The following DNMT3A variants were observed in gnomAD, a reference collection of about 807,000 sequenced individuals.
DNMT3A encodes DNA methyltransferase 3 alpha, also known as DNA (cytosine-5)-methyltransferase 3A.
DNMT3A carries 267 observed loss-of-function variants against 117.6 expected under a neutral mutation model. That is an observed-to-expected ratio of 2.27 (90% CI 2.05 to 2.51). The LOEUF (loss-of-function observed/expected upper bound fraction) is 2.51. Among genes scored for constraint, DNMT3A ranks in the 30% most tolerant of loss-of-function variants. DNMT3A has a pLI of 0.00. For synonymous variants in DNMT3A, 432 were observed against 474.8 expected (o/e 0.91, Z 1.17); for missense variants, 1,029 against 1,260.2 (o/e 0.82, Z 2.78).
intron 16 of DNMT3A, among the ~76,000 whole-genome samples, chr2:25,243,073 G>A (rs757906954): frequency 2.0e-5 from 3 of 152,158 alleles, no homozygotes; most frequent in Non-Finnish European, 4.4e-5. Flanking sequence ...TTGGGAGGCC[G>A]AGGTGGGCGG....
intron 15 of DNMT3A, 71 bp downstream of exon 15, chr2:25,244,084 G>A (rs958344391): frequency 2.3e-5 from 37 of 1,604,228 alleles, no homozygotes; most frequent in Admixed American, 6.7e-5. Context: ...CACACCCTGC[G>A]CACAGCTCAG....
intron 1 of DNMT3A, among the ~76,000 whole-genome samples, chr2:25,333,391 G>A (rs13384339): frequency 1.9e-3 from 295 of 151,698 alleles, no homozygotes; most frequent in African/African-American, 6.9e-3. Context: ...GTGCAGTGGC[G>A]CGATCTCGGC....
chr2:25,239,036 C>G, intron 20 of DNMT3A, 94 bp downstream of exon 20: 1 of 1,078,260 alleles, frequency 9.3e-7, no homozygotes, highest in Non-Finnish European at 1.4e-6. Context: ...CAGAGGCCGG[C>G]CAGAGAGGGC....
intron 2 of DNMT3A, among the ~76,000 whole-genome samples, chr2:25,307,453 C>T (rs1436228855): frequency 6.7e-6 from 1 of 149,452 alleles, no homozygotes; most frequent in African/African-American, 2.5e-5. Flanking sequence ...CCACCACACA[C>T]CGCAGCTTTT....
rs1437160490 is a variant in DNMT3A at position 25,281,495 on chromosome 2, T to G, written c.448+946A>C. 5 of 1,055,282 alleles carry G rather than the reference T, an allele frequency of 4.7e-6. No individual in the cohort carries two copies. The South Asian group carries it at 1.8e-4, about 39-fold the overall frequency. The allele number at this position is 1,055,282 out of a possible 1,614,324, so 65.4% of individuals were successfully genotyped here. On this transcript the variant is annotated intron_variant, in intron 4 of 22. Coordinates refer to ENST00000321117, the MANE Select transcript of DNMT3A (RefSeq NM_022552.5). The surrounding 1 kb of genome is among the most constrained non-coding windows in gnomAD (Gnocchi z 4.8). Reference sequence around the variant, plus strand: ...TTCTGGAAATGTTCTCTATCCTGCATGAACATTAGGTTGGATCCATGCAAA... The same window carrying G: ...TTCTGGAAATGTTCTCTATCCTGCAGGAACATTAGGTTGGATCCATGCAAA...
intron 6 of DNMT3A, among the ~76,000 whole-genome samples, chr2:25,271,061 T>C (rs2030851616): frequency 6.6e-6 from 1 of 151,708 alleles, no homozygotes; most frequent in South Asian, 2.1e-4. Flanking sequence ...ACAGGCCTGA[T>C]AGGCCGGGTG....
At chr2:25,329,718 CACAGAT>C (rs2034943039) in intron 1 of DNMT3A, among the ~76,000 whole-genome samples, 1 of 151,058 alleles carries the variant, frequency 6.6e-6, no homozygotes, top group Admixed American at 6.6e-5. Flanking sequence ...CACACAGACA[CACAGAT>C]ACAAACACAC....
Position 25,234,084 on chromosome 2 carries a change from G to T in DNMT3A, c.*195C>A. ...GAAGAATAACATTGAAAAATCAGGAGATGATGTCCAACCCTTTTCGCAAGG... is the reference window on the plus strand; with the variant it reads ...GAAGAATAACATTGAAAAATCAGGATATGATGTCCAACCCTTTTCGCAAGG... On this transcript the variant is annotated 3_prime_UTR_variant, in exon 23 of 23. Transcript: ENST00000321117. The surrounding 1 kb of genome is among the most constrained non-coding windows in gnomAD (Gnocchi z 4.5). The T allele has an allele frequency of 1.4e-6, 1 of 733,588 alleles. No individual in the cohort carries two copies. The highest frequency in any genetic ancestry group is 2.0e-6 in the Non-Finnish European group (1 of 500,276). 45.4% of individuals were successfully genotyped at this position (733,588 alleles called of 1,614,324 possible).
rs1433074952 is a variant in DNMT3A at position 25,306,310 on chromosome 2, G to A, written c.73-6067C>T. ...GCGCATGGGCCCAGAGCCCTCCAAA[G>A]CCCCCTACTTTTTCTGATCTCAGTC... On this transcript the variant is annotated intron_variant, in intron 2 of 22. Transcript: ENST00000321117. The surrounding 1 kb of genome is among the most constrained non-coding windows in gnomAD (Gnocchi z 4.1). Among the ~76,000 whole-genome samples, 2 of 152,194 alleles carry A rather than the reference G, an allele frequency of 1.3e-5. No individual in the cohort carries two copies. The highest frequency in any genetic ancestry group is 2.9e-5 in the Non-Finnish European group (2 of 68,036).
intron 1 of DNMT3A, among the ~76,000 whole-genome samples, chr2:25,325,834 C>T (rs1440156924): frequency 1.3e-5 from 2 of 152,208 alleles, no homozygotes; most frequent in East Asian, 1.9e-4. Context: ...CTCTTAAGAA[C>T]GTCCATGCCC....
At chr2:25,272,819 T>TTTTTTTTTTTTTTTG (rs2031037937) in intron 6 of DNMT3A, among the ~76,000 whole-genome samples, 1 of 150,400 alleles carries the variant, frequency 6.6e-6, no homozygotes, top group Non-Finnish European at 1.5e-5. Context: ...TTTTTTTTTT[T>TTTTTTTTTTTTTTTG]GAGACGGAAT....
intron 1 of DNMT3A, among the ~76,000 whole-genome samples, chr2:25,340,428 G>A (rs939078041): frequency 1.3e-5 from 2 of 152,114 alleles, no homozygotes; most frequent in African/African-American, 2.4e-5. Flanking sequence ...AAGCAGTTTG[G>A]CAGCCCCAGG....
rs1384816933 is a variant in DNMT3A at position 25,281,023 on chromosome 2, G to A, written c.448+1418C>T. Among the ~76,000 whole-genome samples, 3 of 152,126 alleles carry A rather than the reference G, an allele frequency of 2.0e-5. No homozygotes were observed. Among genetic ancestry groups the A allele is most frequent in the Non-Finnish European group, 4.4e-5 (3 of 68,026 alleles). Reference sequence around the variant, plus strand: ...CCACATTTGGAAGGGCAGGGCTGATGGGTTCTCTCACACACCTGGCATTGT... The same window carrying A: ...CCACATTTGGAAGGGCAGGGCTGATAGGTTCTCTCACACACCTGGCATTGT... On this transcript the variant is annotated intron_variant, in intron 4 of 22. Coordinates refer to ENST00000321117, the MANE Select transcript of DNMT3A (RefSeq NM_022552.5). The surrounding 1 kb of genome is among the most constrained non-coding windows in gnomAD (Gnocchi z 4.8).
chr2:25,272,803 C>CTTTT (rs1217338234), intron 6 of DNMT3A, among the ~76,000 whole-genome samples: 3 of 130,698 alleles, frequency 2.3e-5, no homozygotes, highest in Non-Finnish European at 3.3e-5. Flanking sequence ...TGCACTTTCT[C>CTTTT]TTTTTTTTTT....
At position 25,300,692 on chromosome 2, in the gene DNMT3A, T is replaced by TA. The variant is rs1558722382; in HGVS notation, c.73-450_73-449insT. Among the ~76,000 whole-genome samples, 188 of 80,530 alleles carry TA rather than the reference T, an allele frequency of 2.3e-3. 13 individuals are homozygous for TA. The highest frequency in any genetic ancestry group is 8.3e-3 in the African/African-American group (168 of 20,342). The allele number at this position is 80,530 out of a possible 152,430, so 52.8% of individuals were successfully genotyped here. A position where few individuals can be genotyped will look rare whatever the true frequency, so the allele number is the denominator to read the frequency against. ...ATTTAGATATATATTTAGATATATA[T>TA]TTATATATCTAAATAATATAATATA... On this transcript the variant is annotated intron_variant, in intron 2 of 22. Transcript: ENST00000321117.
At chr2:25,273,389 G>C (rs911106494) in intron 6 of DNMT3A, among the ~76,000 whole-genome samples, 2 of 152,096 alleles carry the variant, frequency 1.3e-5, no homozygotes, top group Non-Finnish European at 2.9e-5. Context: ...GTAAGCCACC[G>C]CGCCTGGCCT....
At chr2:25,251,732 G>A (rs1200897159) in intron 6 of DNMT3A, among the ~76,000 whole-genome samples, 1 of 152,234 alleles carries the variant, frequency 6.6e-6, no homozygotes, top group Non-Finnish European at 1.5e-5. Context: ...GAACTCGCAG[G>A]AGAGGAAGCT....
Position 25,244,608 on chromosome 2 carries a change from G to T in DNMT3A, c.1599C>A (p.Tyr533Ter), listed in dbSNP as rs757057121. ...ECAYQYDDDG[Y>*]QSYCTICCGG... ...CACAGCAGATGGTGCAGTAGGACTG[G>T]TAGCCGTCGTCGTCGTACTGGTACG... The change falls in exon 14 of 23, where the codon TAC (tyrosine) becomes TAA (stop). Residue 533 changes from tyrosine to a stop codon, truncating the protein, a stop_gained. Transcript: ENST00000321117. LOFTEE classifies it high-confidence loss of function. 6.2e-7 allele frequency: 1 copy of T among 1,614,076 alleles called. No homozygotes were observed. Among genetic ancestry groups the T allele is most frequent in the Non-Finnish European group, 8.5e-7 (1 of 1,180,036 alleles).
At chr2:25,315,020 C>T (rs908856883) in intron 1 of DNMT3A, among the ~76,000 whole-genome samples, 3 of 152,206 alleles carry the variant, frequency 2.0e-5, no homozygotes, top group Non-Finnish European at 4.4e-5. Context: ...CTCCCCTGCT[C>T]CCCACCCCCG....
Sources: allele counts gnomAD v4.1 joint callset (sites outside exome capture counted in the v4.1 genomes callset), GRCh38; gene constraint gnomAD v4.1.1; non-coding constraint Gnocchi (gnomAD v3.1); transcripts MANE v1.5; gene names NCBI Gene and HGNC (gene_info 2026-07-23, HGNC 2026-07-21).